ARMC2: variants seen among roughly 807,000 people sequenced by gnomAD.
The protein encoded by ARMC2 is armadillo repeat containing 2.
A neutral mutation model predicts 90.3 loss-of-function variants in ARMC2; 67 were observed. The ratio of observed to expected loss-of-function variants is 0.74; its 90% CI spans 0.61 to 0.91. The LOEUF (loss-of-function observed/expected upper bound fraction) is 0.91, where lower values mean the gene tolerates loss of function less well. ARMC2 is among the 40% of genes least tolerant of loss of function. ARMC2 has a pLI of 0.00. For synonymous variants in ARMC2, 393 were observed against 393.0 expected (o/e 1.00, Z 0.00); for missense variants, 920 against 1,030.9 (o/e 0.89, Z 1.47).
chr6:108,860,887 A>G (rs1775168834), intron 3 of ARMC2, among the ~76,000 whole-genome samples: 1 of 152,190 alleles, frequency 6.6e-6, no homozygotes, highest in Non-Finnish European at 1.5e-5. Context: ...GCTAGCTTCC[A>G]GGTGCAGGAA....
the ARMC2 span, among the ~76,000 whole-genome samples, chr6:109,026,319 A>G: frequency 6.6e-6 from 1 of 152,306 alleles, no homozygotes; most frequent in South Asian, 2.1e-4. Context: ...AGTGTGAAAA[A>G]GACCAAAGAA....
chr6:108,926,459 T>A (rs1292897593), intron 10 of ARMC2, among the ~76,000 whole-genome samples: 1 of 152,218 alleles, frequency 6.6e-6, no homozygotes. Context: ...GCGCAGTGGC[T>A]CACCCCTGTA....
In ARMC2 at chr6:108,964,181, C is replaced by G. The variant is rs1778197855; in HGVS notation, c.2154C>G (p.Val718=). 6.2e-7 allele frequency: 1 copy of G among 1,612,822 alleles called. No individual in the cohort carries two copies. The highest frequency in any genetic ancestry group is 8.5e-7 in the Non-Finnish European group (1 of 1,179,508). ...DVCDFIVQNN[V]HRFMMALLDA... is the part of the protein sequence containing the mutation. ...TGCATTTGCTCTCTTCCCTCGTAGT[C>G]CACAGGTTCATGATGGCGCTGCTGG... Residue 718 remains valine (V), a splice_region_variant and synonymous_variant, in exon 16 of 18, where the codon GTC becomes GTG. Transcript: ENST00000392644.
At chr6:109,022,262 G>A in the ARMC2 span, among the ~76,000 whole-genome samples, 3 of 152,100 alleles carry the variant, frequency 2.0e-5, no homozygotes, top group Non-Finnish European at 2.9e-5. Context: ...TTAGGTAAAT[G>A]AATGCCAATT....
At chr6:109,007,619 TTGCCTATAGCTGGG>T in the ARMC2 span, among the ~76,000 whole-genome samples, 1,782 of 152,258 alleles carry the variant, frequency 0.012, 13 homozygotes, top group Middle Eastern at 0.037. Flanking sequence ...CTCTGGGAGA[TTGCCTATAGCTGGG>T]TGCTGGCCTT....
rs762631536 is a variant in ARMC2, at chr6:108,876,138, T to C, written c.464-5T>C. ...CAACAAAATATTTTCTTGGTTATAT[T>C]GCAGCAAAGAAGACAGTGGAATCCA... On this transcript the variant is annotated splice_polypyrimidine_tract_variant and splice_region_variant and intron_variant, in intron 4 of 17. Transcript: ENST00000392644. The C allele has an allele frequency of 3.1e-6, 5 of 1,598,068 alleles. No individual in the cohort carries two copies. In the South Asian group the frequency reaches 5.7e-5, roughly 18 times the overall value.
intron 5 of ARMC2, among the ~76,000 whole-genome samples, chr6:108,877,367 G>A (rs527716752): frequency 6.6e-6 from 1 of 152,292 alleles, no homozygotes; most frequent in African/African-American, 2.4e-5. Context: ...TGCTGACACA[G>A]CCTGAAGAGT....
chr6:108,991,066 C>CAAAA, the ARMC2 span, among the ~76,000 whole-genome samples: 2 of 141,460 alleles, frequency 1.4e-5, no homozygotes, highest in African/African-American at 5.4e-5. Context: ...AGTCTCATCT[C>CAAAA]AAAAAAAAAC....
the ARMC2 span, among the ~76,000 whole-genome samples, chr6:109,027,475 T>C: frequency 2.2e-5 from 1 of 46,492 alleles, no homozygotes; most frequent in Non-Finnish European, 3.7e-5. Flanking sequence ...AGACTCTGTC[T>C]CAAAAAAAAA....
chr6:108,880,076 C>A, intron 5 of ARMC2: 2 of 385,134 alleles, frequency 5.2e-6, no homozygotes, highest in Non-Finnish European at 5.1e-6. Context: ...CCAATGAAAG[C>A]AGCAAAGAAT....
At chr6:108,992,259 T>C in the ARMC2 span, among the ~76,000 whole-genome samples, 739 of 152,198 alleles carry the variant, frequency 4.9e-3, 3 homozygotes, top group Middle Eastern at 0.014. Context: ...CCACCACACC[T>C]GGCTAATTTT....
chr6:108,903,805 G>A (rs1322247273), intron 7 of ARMC2, among the ~76,000 whole-genome samples: 1 of 152,188 alleles, frequency 6.6e-6, no homozygotes, highest in African/African-American at 2.4e-5. Flanking sequence ...AAAACAGTAG[G>A]AATGAGGGTT....
At chr6:108,936,830 A>G in intron 11 of ARMC2, 70 bp from the exon 12 acceptor site, 1 of 1,239,828 alleles carries the variant, frequency 8.1e-7, no homozygotes, top group Non-Finnish European at 1.1e-6. Context: ...ATTTAAAGTG[A>G]TACTATGTGT....
the ARMC2 span, chr6:108,988,533 A>G: frequency 6.3e-7 from 1 of 1,596,770 alleles, no homozygotes; most frequent in Non-Finnish European, 8.5e-7. Context: ...AAGCCACAAT[A>G]GGCACATACC....
In ARMC2 at chr6:108,953,207, C is replaced by T. The variant is rs1333650637; in HGVS notation, c.1771C>T (p.His591Tyr). The change falls in exon 13 of 18, where the codon CAC (histidine) becomes TAC (tyrosine). Residue 591 changes from histidine to tyrosine, a missense_variant. By Grantham distance (83) the His-to-Tyr change is moderately conservative. Coordinates refer to ENST00000392644, the MANE Select transcript of ARMC2 (RefSeq NM_032131.6). ...QKPVGQRGEQHRAQRPPSEAE... is the reference protein window; with the variant it reads ...QKPVGQRGEQYRAQRPPSEAE... ...GCCGGTGGGCCAACGAGGCGAGCAG[C>T]ACAGGGCGCAGAGGCCGCCGTCAGA... 6.2e-7 allele frequency: 1 copy of T among 1,613,990 alleles called. No individual in the cohort carries two copies. Among genetic ancestry groups the T allele is most frequent in the East Asian group, 2.2e-5 (1 of 44,884 alleles).
the ARMC2 span, among the ~76,000 whole-genome samples, chr6:109,047,865 A>G: frequency 6.8e-6 from 1 of 147,098 alleles, no homozygotes; most frequent in African/African-American, 2.5e-5. Flanking sequence ...GTGGTGCAAG[A>G]TGTGCTTTGT....
At chr6:108,956,414 AG>A (rs1405295485) in intron 13 of ARMC2, among the ~76,000 whole-genome samples, 2 of 152,090 alleles carry the variant, frequency 1.3e-5, no homozygotes, top group African/African-American at 4.8e-5. Context: ...AAGAGGCAAG[AG>A]GCTGGGCACG....
Position 108,912,397 on chromosome 6 carries a change from T to C in ARMC2, c.1189T>C (p.Cys397Arg). The C allele has an allele frequency of 6.2e-7, 1 of 1,613,708 alleles. No individual in the cohort carries two copies. Among genetic ancestry groups the C allele is most frequent in the Non-Finnish European group, 8.5e-7 (1 of 1,179,780 alleles). Residue 397 changes from cysteine to arginine, a missense_variant, in exon 10 of 18, where the codon TGT becomes CGT. Physicochemically the swap from Cys to Arg is radical, Grantham distance 180. Coordinates refer to ENST00000392644, the MANE Select transcript of ARMC2 (RefSeq NM_032131.6). ...LQTNMEAFLY[C>R]MGSIKFISGN... ...AACTAACATGGAAGCTTTTTTATAC[T>C]GTATGGGGTCTATAAAGTTCATTTC...
intron 5 of ARMC2, among the ~76,000 whole-genome samples, chr6:108,891,218 G>A (rs1199224641): frequency 6.6e-6 from 1 of 152,218 alleles, no homozygotes; most frequent in African/African-American, 2.4e-5. Context: ...GCATACGTGT[G>A]CATGTGTCAT....
Sources: gnomAD v4.1 joint callset for allele counts (sites outside exome capture counted in the v4.1 genomes callset) on GRCh38, gnomAD v4.1.1 for gene constraint, MANE v1.5 for transcripts, NCBI Gene and HGNC (gene_info 2026-07-23, HGNC 2026-07-21) for gene names.